UGT2B7: variants seen among roughly 807,000 people sequenced by gnomAD.
UGT2B7 encodes UDP-glucuronosyltransferase 2B7.
Under a neutral mutation model 51.9 loss-of-function variants are expected in UGT2B7, and 51 were observed. The ratio of observed to expected loss-of-function variants is 0.98; its 90% confidence interval spans 0.78 to 1.24. The LOEUF (loss-of-function observed/expected upper bound fraction) is 1.24. UGT2B7 is among the 50% of genes most tolerant of loss of function. UGT2B7 has a pLI of 0.00. For synonymous variants in UGT2B7, 225 were observed against 211.6 expected, an observed-to-expected ratio of 1.06 and a Z score of -0.55; for missense variants, 727 against 628.4, an observed-to-expected ratio of 1.16 and a Z score of -1.68.
At chr4:69,058,849 G>A (rs1437521806) in intron 1 of UGT2B7, among the ~76,000 whole-genome samples, 3 of 152,100 alleles carry the variant, frequency 2.0e-5, no homozygotes, top group Admixed American at 1.3e-4. Flanking sequence ...GGCTTTGCAA[G>A]GTGGCGTGAT....
chr4:69,058,607 A>T (rs1260955068), intron 1 of UGT2B7, among the ~76,000 whole-genome samples: 1 of 152,236 alleles, frequency 6.6e-6, no homozygotes, highest in African/African-American at 2.4e-5. Flanking sequence ...GTTTTATAAA[A>T]GACTTAGTGA....
intron 1 of UGT2B7, among the ~76,000 whole-genome samples, chr4:69,057,386 A>G (rs1383176222): frequency 6.6e-6 from 1 of 152,158 alleles, no homozygotes; most frequent in Non-Finnish European, 1.5e-5. Flanking sequence ...AATAGAGGAA[A>G]TGTATCTTGT....
intron 1 of UGT2B7, among the ~76,000 whole-genome samples, chr4:69,077,320 G>A (rs907056776): frequency 4.6e-5 from 7 of 151,920 alleles, no homozygotes; most frequent in African/African-American, 1.7e-4. Flanking sequence ...ATTTTGGGAA[G>A]AAAGTCAATG....
chr4:69,090,734 C>T (rs1356229211), intron 2 of UGT2B7, among the ~76,000 whole-genome samples: 2 of 152,058 alleles, frequency 1.3e-5, no homozygotes, highest in African/African-American at 4.8e-5. Flanking sequence ...ATTATGATCG[C>T]CTGTTTTGGT....
At chr4:69,073,868 A>C (rs1718649937) in intron 1 of UGT2B7, among the ~76,000 whole-genome samples, 1 of 152,142 alleles carries the variant, frequency 6.6e-6, no homozygotes, top group Non-Finnish European at 1.5e-5. Context: ...GGGCTCTATC[A>C]GTCAAGCATT....
chr4:69,096,872 A>G lies in UGT2B7; in HGVS notation c.352A>G (p.Ile118Val), dbSNP rs1345425335. Residue 118 changes from isoleucine to valine, a missense_variant, in exon 1 of 6, where the codon ATA (isoleucine) becomes GTA (valine). By Grantham distance (29) the Ile-to-Val change is conservative. Transcript: ENST00000305231. ...TTCACAAGTACAGGAAATCATGTCA[A>G]TATTTGGTGACATAACTAGAAAGTT... The part of the protein sequence containing the change: ...YFSQVQEIMS[I>V]FGDITRKFCK... 1.4e-5 allele frequency: 22 copies of G among 1,613,330 alleles called. No homozygotes were observed. Among genetic ancestry groups the G allele is most frequent in the Non-Finnish European group, 1.8e-5 (21 of 1,179,812 alleles).
chr4:69,090,281 T>A (rs551917079), intron 2 of UGT2B7, among the ~76,000 whole-genome samples: 1 of 152,220 alleles, frequency 6.6e-6, no homozygotes, highest in Admixed American at 6.5e-5. Context: ...AATAAAAGCA[T>A]GTATGCTAAT....
At chr4:69,097,390 A>G (rs1305511545) in intron 1 of UGT2B7, 149 bp downstream of exon 1, 2 of 1,008,124 alleles carry the variant, frequency 2.0e-6, no homozygotes, top group Non-Finnish European at 2.8e-6. Flanking sequence ...TAATCTCACA[A>G]ATATTATAGA....
intron 1 of UGT2B7, among the ~76,000 whole-genome samples, chr4:69,061,560 T>C (rs1022291485): frequency 6.6e-6 from 1 of 152,146 alleles, no homozygotes; most frequent in African/African-American, 2.4e-5. Context: ...AAATGGGAAT[T>C]ACGTTGAAGG....
chr4:69,104,428 T>A (rs541966703), intron 3 of UGT2B7, among the ~76,000 whole-genome samples: 2 of 152,298 alleles, frequency 1.3e-5, no homozygotes, highest in East Asian at 3.9e-4. Context: ...TATTCCCGTA[T>A]GGTTAGTTTT....
intron 1 of UGT2B7, among the ~76,000 whole-genome samples, chr4:69,057,140 C>T (rs1560497380): frequency 6.6e-6 from 1 of 152,216 alleles, no homozygotes; most frequent in African/African-American, 2.4e-5. Context: ...CCCTGTCATG[C>T]ACCACCTGCT....
chr4:69,069,584 A>G (rs760845102), intron 1 of UGT2B7: 8 of 152,026 alleles, frequency 5.3e-5, no homozygotes, highest in Non-Finnish European at 8.8e-5. Context: ...AAAATTTCAC[A>G]TATTTATCTT....
intron 1 of UGT2B7, among the ~76,000 whole-genome samples, chr4:69,057,365 T>C (rs1718228999): frequency 6.6e-6 from 1 of 152,184 alleles, no homozygotes; most frequent in African/African-American, 2.4e-5. Context: ...CTTGCATGAC[T>C]GTGCATTAAT....
upstream of UGT2B7, among the ~76,000 whole-genome samples, chr4:69,093,719 G>T (rs1719140928): frequency 6.6e-6 from 1 of 152,186 alleles, no homozygotes; most frequent in African/African-American, 2.4e-5. Context: ...ATCTGTGAAA[G>T]AAGCATGTTA....
intron 1 of UGT2B7, among the ~76,000 whole-genome samples, chr4:69,064,112 A>AAGAAAGAGAGAG (rs754723956): frequency 1.2e-5 from 1 of 86,802 alleles, no homozygotes; most frequent in Non-Finnish European, 2.2e-5. Flanking sequence ...GAAAGAAAGA[A>AAGAAAGAGAGAG]AAAGAAAGAA....
intron 1 of UGT2B7, among the ~76,000 whole-genome samples, chr4:69,079,854 AT>A (rs1160264800): frequency 1.3e-5 from 2 of 150,154 alleles, no homozygotes; most frequent in South Asian, 4.2e-4. Flanking sequence ...TCTTAATCCA[AT>A]TTTTGTTTTT....
chr4:69,062,773 A>G (rs1718377486), intron 1 of UGT2B7, among the ~76,000 whole-genome samples: 1 of 152,170 alleles, frequency 6.6e-6, no homozygotes, highest in East Asian at 1.9e-4. Flanking sequence ...CACACCAAGA[A>G]CTGACTAGTC....
intron 1 of UGT2B7, among the ~76,000 whole-genome samples, chr4:69,098,155 G>C (rs1719301177): frequency 6.6e-6 from 1 of 151,970 alleles, no homozygotes; most frequent in South Asian, 2.1e-4. Flanking sequence ...TTTATGGGTA[G>C]AGTAGAATTA....
Position 69,071,496 on chromosome 4 carries a change from A to G in UGT2B7, c.-158-17976A>G, listed in dbSNP as rs559909895. ...GTTCATTACAGCCTTTGGACTCAGAACAAGGTTTGAAAAGCAAATAACAGA... is the reference window on the plus strand; with the variant it reads ...GTTCATTACAGCCTTTGGACTCAGAGCAAGGTTTGAAAAGCAAATAACAGA... On this transcript the variant is annotated intron_variant, in intron 1 of 5. Coordinates refer to the UGT2B7 transcript ENST00000502942. Among the ~76,000 whole-genome samples, 5 of 152,222 alleles carry G rather than the reference A, an allele frequency of 3.3e-5. No individual in the cohort carries two copies. The South Asian group carries it at 8.3e-4, about 25-fold the overall frequency.
Sources: allele counts gnomAD v4.1 joint callset (sites outside exome capture counted in the v4.1 genomes callset), GRCh38; gene constraint gnomAD v4.1.1; transcripts MANE v1.5; gene names NCBI Gene and HGNC (gene_info 2026-07-23, HGNC 2026-07-21).